Variants in ARHGAP18 observed in about 807,000 individuals in gnomAD.
ARHGAP18 encodes the protein Rho GTPase activating protein 18.
A neutral mutation model predicts 86.2 loss-of-function variants in ARHGAP18; 67 were observed. The observed-to-expected ratio is 0.78, with a 90% CI of 0.64 to 0.95. ARHGAP18 has a LOEUF of 0.95. Ranked by LOEUF, ARHGAP18 falls within the 40% of genes least tolerant of loss-of-function variation. ARHGAP18 has a pLI of 0.00. For synonymous variants in ARHGAP18, 283 were observed against 280.4 expected, an observed-to-expected ratio of 1.01 and a Z score of -0.09; for missense variants, 691 against 780.4, an observed-to-expected ratio of 0.89 and a Z score of 1.37.
In ARHGAP18 at chr6:129,579,901, C is replaced by CCT. The variant is rs553405805; in HGVS notation, c.1900+167_1900+168dup. Among the ~76,000 whole-genome samples the CCT allele has an allele frequency of 3.9e-4, 60 of 152,186 alleles. 1 individual carries two copies. In the East Asian group the frequency reaches 0.012, roughly 29 times the overall value. On this transcript the variant is annotated intron_variant, in intron 14 of 14. Transcript: ENST00000368149. The stretch of plus-strand genomic sequence containing the variant: ...CATTTGTACAGGCGCTCAAACAGAG[C>CCT]CTGAAGAGAAAGGTCAAACCATTAA...
intron 3 of ARHGAP18, among the ~76,000 whole-genome samples, chr6:129,637,524 C>T (rs73592420): frequency 0.01 from 1,527 of 152,302 alleles, 25 homozygotes; most frequent in African/African-American, 0.033. Flanking sequence ...CTAAAGCTGC[C>T]TCCTTACATA....
intron 3 of ARHGAP18, among the ~76,000 whole-genome samples, chr6:129,636,616 C>G (rs919473147): frequency 1.3e-5 from 2 of 152,186 alleles, no homozygotes; most frequent in African/African-American, 4.8e-5. Flanking sequence ...GTGGCTCACA[C>G]CTGTAATCCC....
rs1341771072 is a variant in ARHGAP18 at position 129,625,112 on chromosome 6, T to G, written c.786+4241A>C. ...ATGATATATGATATATATTATATAT[T>G]ATATAGATATATATTATATATGATA... On this transcript the variant is annotated intron_variant, in intron 5 of 14. Coordinates refer to ENST00000368149, the MANE Select transcript of ARHGAP18 (RefSeq NM_033515.3). Among the ~76,000 whole-genome samples, 16 of 53,640 alleles carry G rather than the reference T, an allele frequency of 3.0e-4. 1 individual carries two copies. The highest frequency in any genetic ancestry group is 7.9e-4 in the African/African-American group (12 of 15,250). The allele number at this position is 53,640 out of a possible 152,430, so 35.2% of individuals were successfully genotyped here. A position where few individuals can be genotyped will look rare whatever the true frequency, so the allele number is the denominator to read the frequency against.
intron 1 of ARHGAP18, among the ~76,000 whole-genome samples, chr6:129,643,159 C>T (rs1026746864): frequency 1.3e-5 from 2 of 151,956 alleles, no homozygotes; most frequent in Non-Finnish European, 2.9e-5. Flanking sequence ...AGACCATGCC[C>T]GATTCCTTAA....
At chr6:129,680,827 T>C (rs908119303) in intron 1 of ARHGAP18, among the ~76,000 whole-genome samples, 6 of 152,240 alleles carry the variant, frequency 3.9e-5, no homozygotes, top group Admixed American at 1.3e-4. Context: ...ATTATATGGA[T>C]AACCCAGAGA....
At chr6:129,636,790 T>C (rs549060286) in intron 3 of ARHGAP18, among the ~76,000 whole-genome samples, 5 of 152,298 alleles carry the variant, frequency 3.3e-5, no homozygotes, top group African/African-American at 9.6e-5. Flanking sequence ...GGCAGGAGAA[T>C]TGCTTGAACC....
rs1397556969 is a variant in ARHGAP18 at position 129,684,436 on chromosome 6, TAATAATATAAGTG to T, written c.113+25575_113+25587del. Reference sequence around the variant, plus strand: ...GGTTAGCTCTAGAGTAGTATTATATTAATAATATAAGTGACTTTTGCCTCCTCTTTTGTGCTGC... The same window carrying T: ...GGTTAGCTCTAGAGTAGTATTATATTACTTTTGCCTCCTCTTTTGTGCTGC... On this transcript the variant is annotated intron_variant, in intron 1 of 14. Transcript: ENST00000368149. 2.6e-5 allele frequency among the ~76,000 whole-genome samples: 4 copies of T among 152,214 alleles called. No homozygotes were observed. The East Asian group carries it at 7.7e-4, about 29-fold the overall frequency.
intron 2 of ARHGAP18, among the ~76,000 whole-genome samples, chr6:129,639,262 C>T (rs377742773): frequency 4.6e-5 from 7 of 152,140 alleles, no homozygotes; most frequent in African/African-American, 1.7e-4. Flanking sequence ...ACAATCAATT[C>T]AAAACACTGA....
At chr6:129,657,694 G>C (rs1773868184) in intron 1 of ARHGAP18, among the ~76,000 whole-genome samples, 1 of 152,206 alleles carries the variant, frequency 6.6e-6, no homozygotes, top group African/African-American at 2.4e-5. Context: ...AAGCTTCCAA[G>C]TACTGTGAGA....
At chr6:129,696,121 TTTTTG>T (rs1254653603) in intron 1 of ARHGAP18, among the ~76,000 whole-genome samples, 1 of 152,206 alleles carries the variant, frequency 6.6e-6, no homozygotes, top group Non-Finnish European at 1.5e-5. Context: ...TGGCAATTAA[TTTTTG>T]TATAGCCTCT....
intron 7 of ARHGAP18, among the ~76,000 whole-genome samples, chr6:129,615,846 G>T (rs191714737): frequency 1.6e-4 from 24 of 152,300 alleles, no homozygotes; most frequent in Admixed American, 5.2e-4. Flanking sequence ...CATCCTCACT[G>T]TAAATAGAAA....
At chr6:129,703,209 A>C (rs1774748511) in intron 1 of ARHGAP18, among the ~76,000 whole-genome samples, 1 of 152,182 alleles carries the variant, frequency 6.6e-6, no homozygotes, top group African/African-American at 2.4e-5. Context: ...GAAACAGATA[A>C]TTTGTTCTGG....
At chr6:129,589,850 C>A (rs1788475682) in intron 12 of ARHGAP18, among the ~76,000 whole-genome samples, 1 of 152,148 alleles carries the variant, frequency 6.6e-6, no homozygotes, top group South Asian at 2.1e-4. Context: ...GTTCGAGTCC[C>A]AAAACCTCAA....
chr6:129,621,907 A>G (rs1019861172), intron 5 of ARHGAP18, among the ~76,000 whole-genome samples: 1 of 150,958 alleles, frequency 6.6e-6, no homozygotes, highest in South Asian at 2.1e-4. Flanking sequence ...TGTCATGAAG[A>G]TGCAAATTCA....
At chr6:129,653,457 G>A (rs1310272569) in intron 1 of ARHGAP18, among the ~76,000 whole-genome samples, 1 of 152,230 alleles carries the variant, frequency 6.6e-6, no homozygotes, top group Non-Finnish European at 1.5e-5. Flanking sequence ...AGGCCGGGAA[G>A]TGTTTTTATA....
rs916451883 is a variant in ARHGAP18 at position 129,577,069 on chromosome 6, T to G, written c.*1444A>C. 6.6e-6 allele frequency: 1 copy of G among 151,986 alleles called. No homozygotes were observed. The highest frequency in any genetic ancestry group is 1.5e-5 in the Non-Finnish European group (1 of 67,982). 9.4% of individuals were successfully genotyped at this position (151,986 alleles called of 1,614,324 possible). On this transcript the variant is annotated 3_prime_UTR_variant, in exon 15 of 15. Transcript: ENST00000368149. Reference sequence around the variant, plus strand: ...CAAAAATACTCATAAACACATAGGATTAAAAGTAATGATTCCAAGAGAAGA... The same window carrying G: ...CAAAAATACTCATAAACACATAGGAGTAAAAGTAATGATTCCAAGAGAAGA...
chr6:129,674,692 C>T (rs1400359928), intron 1 of ARHGAP18, among the ~76,000 whole-genome samples: 2 of 152,184 alleles, frequency 1.3e-5, no homozygotes, highest in African/African-American at 2.4e-5. Flanking sequence ...TGTTATACTA[C>T]ACCATTTTAT....
chr6:129,678,847 A>G (rs1352962399), intron 1 of ARHGAP18, among the ~76,000 whole-genome samples: 4 of 152,226 alleles, frequency 2.6e-5, no homozygotes, highest in African/African-American at 9.7e-5. Flanking sequence ...TTGAGGAAAC[A>G]ATATTAACCA....
chr6:129,676,321 T>C (rs1774229876), intron 1 of ARHGAP18, among the ~76,000 whole-genome samples: 1 of 152,178 alleles, frequency 6.6e-6, no homozygotes, highest in African/African-American at 2.4e-5. Flanking sequence ...ATTACCCTAA[T>C]GAGTTGCAGA....
Sources: allele counts gnomAD v4.1 joint callset (sites outside exome capture counted in the v4.1 genomes callset), GRCh38; gene constraint gnomAD v4.1.1; transcripts MANE v1.5; gene names NCBI Gene and HGNC (gene_info 2026-07-23, HGNC 2026-07-21).